Variants in NCAM2 observed in about 807,000 individuals in gnomAD.
NCAM2 encodes the protein N-CAM-2.
A neutral mutation model predicts 98.1 loss-of-function variants in NCAM2; 30 were observed. The ratio of observed to expected loss-of-function variants is 0.31; its 90% CI spans 0.23 to 0.41. The LOEUF (loss-of-function observed/expected upper bound fraction) is 0.41. Among genes scored for constraint, NCAM2 ranks in the 10% least tolerant of loss-of-function variants. The pLI is 1.00. For missense variants in NCAM2, 867 were observed against 1,005.8 expected (o/e 0.86, Z 1.87); for synonymous variants, 368 against 342.4 (o/e 1.07, Z -0.83).
In NCAM2 at chr21:21,510,616, A is replaced by G. The variant is rs751849097; in HGVS notation, c.2282+1561A>G. ...TATAGACACATTTTGTCTTGGCTTT[A>G]TCATATAATTTTGTTCCATTGTATC... On this transcript the variant is annotated intron_variant, in intron 16 of 17. Coordinates refer to ENST00000400546, the MANE Select transcript of NCAM2 (RefSeq NM_004540.5). Among the ~76,000 whole-genome samples, 130 of 151,910 alleles carry G rather than the reference A, an allele frequency of 8.6e-4. 1 individual carries two copies. Among genetic ancestry groups the G allele is most frequent in the Admixed American group, 8.6e-4 (13 of 15,202 alleles).
chr21:21,243,085 G>A (rs1201677718), intron 1 of NCAM2, among the ~76,000 whole-genome samples: 1 of 152,102 alleles, frequency 6.6e-6, no homozygotes, highest in Non-Finnish European at 1.5e-5. Flanking sequence ...AGATGAAGCA[G>A]GGAATCTTAA....
chr21:21,067,797 A>T (rs1367466596), intron 1 of NCAM2, among the ~76,000 whole-genome samples: 1 of 152,226 alleles, frequency 6.6e-6, no homozygotes, highest in East Asian at 1.9e-4. Context: ...GATAAATTAG[A>T]ATCAGTATAT....
intron 9 of NCAM2, among the ~76,000 whole-genome samples, chr21:21,376,530 A>G (rs989186406): frequency 1.3e-5 from 2 of 151,888 alleles, no homozygotes; most frequent in African/African-American, 4.8e-5. Flanking sequence ...CTAATACATA[A>G]TTACATGAGA....
intron 1 of NCAM2, among the ~76,000 whole-genome samples, chr21:21,176,876 T>TA (rs146775018): frequency 1.2e-3 from 182 of 147,806 alleles, no homozygotes; most frequent in Admixed American, 1.6e-3. Flanking sequence ...ATGGAATAGT[T>TA]AAAAAAAAAA....
At chr21:21,359,225 A>C (rs2075578056) in intron 8 of NCAM2, among the ~76,000 whole-genome samples, 1 of 151,980 alleles carries the variant, frequency 6.6e-6, no homozygotes, top group Non-Finnish European at 1.5e-5. Context: ...AAGAGCAATA[A>C]TATAAGTCCC....
intron 1 of NCAM2, among the ~76,000 whole-genome samples, chr21:21,213,313 T>C (rs1340674990): frequency 6.6e-6 from 1 of 152,176 alleles, no homozygotes; most frequent in Non-Finnish European, 1.5e-5. Flanking sequence ...GGGGCAACTA[T>C]TGACTAAAGG....
intron 8 of NCAM2, among the ~76,000 whole-genome samples, chr21:21,350,500 T>G (rs1353491393): frequency 6.6e-6 from 1 of 152,170 alleles, no homozygotes; most frequent in Non-Finnish European, 1.5e-5. Context: ...TATATGAAAT[T>G]TCTCATATTC....
At chr21:21,383,397 A>G (rs1350263877) in intron 9 of NCAM2, among the ~76,000 whole-genome samples, 1 of 152,076 alleles carries the variant, frequency 6.6e-6, no homozygotes, top group Admixed American at 6.6e-5. Flanking sequence ...CTCCAACATT[A>G]TGTATGCTTT....
chr21:21,028,106 G>A (rs1364056428), intron 1 of NCAM2, among the ~76,000 whole-genome samples: 2 of 152,126 alleles, frequency 1.3e-5, no homozygotes, highest in East Asian at 3.9e-4. Flanking sequence ...CAGGTGATCT[G>A]CCCGCCTCGG....
chr21:21,036,045 CT>C (rs2064790587), intron 1 of NCAM2, among the ~76,000 whole-genome samples: 1 of 152,018 alleles, frequency 6.6e-6, no homozygotes, highest in African/African-American at 2.4e-5. Flanking sequence ...GCTTTTTATT[CT>C]CTTTCTTTTT....
chr21:21,298,514 T>C (rs2073575062), intron 5 of NCAM2, among the ~76,000 whole-genome samples: 1 of 151,646 alleles, frequency 6.6e-6, no homozygotes, highest in South Asian at 2.1e-4. Flanking sequence ...AAAGTATATC[T>C]TTTTCTCCTT....
At chr21:21,340,114 A>C (rs1308032415) in intron 8 of NCAM2, among the ~76,000 whole-genome samples, 1 of 151,908 alleles carries the variant, frequency 6.6e-6, no homozygotes, top group Non-Finnish European at 1.5e-5. Context: ...ATCTGAAACC[A>C]TAGAGGATTG....
chr21:21,300,674 A>G (rs970733775), intron 5 of NCAM2, among the ~76,000 whole-genome samples: 2 of 152,074 alleles, frequency 1.3e-5, no homozygotes, highest in Admixed American at 6.6e-5. Context: ...AGAGATTTGC[A>G]TACAGGAGGC....
At chr21:21,066,236 T>C (rs1601257121) in intron 1 of NCAM2, among the ~76,000 whole-genome samples, 1 of 152,352 alleles carries the variant, frequency 6.6e-6, no homozygotes, top group Non-Finnish European at 1.5e-5. Context: ...CTTGATTTTA[T>C]GGTCAGAGTT....
intron 6 of NCAM2, among the ~76,000 whole-genome samples, chr21:21,326,971 A>G (rs1210167376): frequency 1.3e-5 from 2 of 152,210 alleles, no homozygotes; most frequent in Non-Finnish European, 2.9e-5. Flanking sequence ...ACTGTTTCAT[A>G]GAGATAATAT....
At chr21:21,305,417 A>G (rs2073851079) in intron 5 of NCAM2, among the ~76,000 whole-genome samples, 1 of 152,040 alleles carries the variant, frequency 6.6e-6, no homozygotes, top group Non-Finnish European at 1.5e-5. Context: ...ACTTTCGCTT[A>G]TTATACTGGG....
At chr21:21,321,410 A>G (rs190676301) in intron 5 of NCAM2, among the ~76,000 whole-genome samples, 1 of 152,184 alleles carries the variant, frequency 6.6e-6, no homozygotes, top group African/African-American at 2.4e-5. Context: ...AAAGCTGTTT[A>G]GTTTAATTAG....
At chr21:21,414,875 T>C (rs1248393904) in intron 10 of NCAM2, among the ~76,000 whole-genome samples, 1 of 152,134 alleles carries the variant, frequency 6.6e-6, no homozygotes, top group African/African-American at 2.4e-5. Context: ...AACATTAATA[T>C]CTTTGTATAT....
intron 1 of NCAM2, among the ~76,000 whole-genome samples, chr21:21,196,530 G>A (rs2069010874): frequency 6.6e-6 from 1 of 152,188 alleles, no homozygotes; most frequent in South Asian, 2.1e-4. Context: ...TCCAAATTGT[G>A]ACATAAGATG....
Sources: gnomAD v4.1 joint callset for allele counts (sites outside exome capture counted in the v4.1 genomes callset) on GRCh38, gnomAD v4.1.1 for gene constraint, MANE v1.5 for transcripts, NCBI Gene and HGNC (gene_info 2026-07-23, HGNC 2026-07-21) for gene names.